The following CEP192 variants were observed in gnomAD, a reference collection of about 807,000 sequenced individuals.
The protein encoded by CEP192 is centrosomal protein of 192 kDa.
In CEP192, 151 loss-of-function variants were observed where a neutral mutation model predicts 271.8. The ratio of observed to expected loss-of-function variants is 0.56; its 90% confidence interval spans 0.49 to 0.64. The LOEUF is 0.64. Ranked by LOEUF, CEP192 falls within the 30% of genes least tolerant of loss-of-function variation. The pLI is 0.00. For missense variants in CEP192, 2,910 were observed against 3,020.5 expected (o/e 0.96, Z 0.86); for synonymous variants, 995 against 1,076.5 (o/e 0.92, Z 1.48).
chr18:13,084,539 C>T (rs977481403), intron 30 of CEP192, among the ~76,000 whole-genome samples: 1 of 152,162 alleles, frequency 6.6e-6, no homozygotes, highest in Non-Finnish European at 1.5e-5. Flanking sequence ...CACAGCTTCC[C>T]TTGGCTAGGA....
chr18:13,075,392 C>T (rs1054223891), intron 30 of CEP192, among the ~76,000 whole-genome samples: 1 of 152,060 alleles, frequency 6.6e-6, no homozygotes, highest in Non-Finnish European at 1.5e-5. Flanking sequence ...ATGGTGAAAC[C>T]CCATCTCTAC....
chr18:13,009,970 G>A (rs943708958), intron 4 of CEP192, among the ~76,000 whole-genome samples: 2 of 152,032 alleles, frequency 1.3e-5, no homozygotes, highest in African/African-American at 4.8e-5. Flanking sequence ...ATCAGCCTGG[G>A]CAACAAGGTG....
At chr18:13,083,448 A>G (rs1178554695) in intron 30 of CEP192, among the ~76,000 whole-genome samples, 3 of 152,162 alleles carry the variant, frequency 2.0e-5, no homozygotes, top group Non-Finnish European at 4.4e-5. Context: ...TTCTTGTGCC[A>G]TGTTTTTCAG....
At chr18:13,019,607 C>A (rs1390834109) in intron 9 of CEP192, among the ~76,000 whole-genome samples, 2 of 152,008 alleles carry the variant, frequency 1.3e-5, no homozygotes, top group Non-Finnish European at 2.9e-5. Flanking sequence ...ATTCATTATG[C>A]CCTTTTTAAA....
chr18:12,995,116 C>G (rs969587478), intron 1 of CEP192, among the ~76,000 whole-genome samples: 4 of 133,924 alleles, frequency 3.0e-5, no homozygotes, highest in African/African-American at 1.2e-4. Flanking sequence ...GGCTGGAGTA[C>G]AGTGGCGCGA....
chr18:13,055,987 G>C lies in CEP192; in HGVS notation c.3397G>C (p.Asp1133His). The change falls in exon 19 of 45, where the codon GAC becomes CAC. Residue 1133 changes from aspartate to histidine, a missense_variant. Transcript: ENST00000506447. ...TAGCAAGCCTGAATATGTAAAACCT[G>C]ACTTTAGATGGAGTAAAGATCCTTC... ...LSSKPEYVKP[D>H]FRWSKDPSSK... The C allele has an allele frequency of 6.2e-7, 1 of 1,614,174 alleles. No homozygotes were observed. The highest frequency in any genetic ancestry group is 8.5e-7 in the Non-Finnish European group (1 of 1,180,028).
intron 15 of CEP192, among the ~76,000 whole-genome samples, chr18:13,045,114 T>C (rs2036404996): frequency 6.6e-6 from 1 of 152,174 alleles, no homozygotes; most frequent in African/African-American, 2.4e-5. Context: ...GTTCATTCTA[T>C]AATTGACTGT....
At chr18:13,111,570 G>C (rs1213586489) in intron 40 of CEP192, among the ~76,000 whole-genome samples, 1 of 152,140 alleles carries the variant, frequency 6.6e-6, no homozygotes, top group Non-Finnish European at 1.5e-5. Context: ...ATGACCTTAG[G>C]TTAAGCATTG....
intron 9 of CEP192, among the ~76,000 whole-genome samples, chr18:13,025,304 A>G (rs1409196237): frequency 6.6e-6 from 1 of 151,692 alleles, no homozygotes; most frequent in Non-Finnish European, 1.5e-5. Context: ...ACAGCCTCGA[A>G]CTGCTAAGCT....
rs2033565195 is a variant in CEP192 at position 13,000,353 on chromosome 18, A to T, written c.164+765A>T. The stretch of plus-strand genomic sequence containing the variant: ...TTCTCAAAAGACATCTATGAATTAC[A>T]TTTCTAGCTACACAAGGAGACTACT... On this transcript the variant is annotated intron_variant, in intron 2 of 44. Transcript: ENST00000506447. 4 of 151,978 alleles carry T rather than the reference A, an allele frequency of 2.6e-5. No individual in the cohort carries two copies. The South Asian group carries it at 8.3e-4, about 32-fold the overall frequency. The allele number at this position is 151,978 out of a possible 1,614,324, so 9.4% of individuals were successfully genotyped here. A position where few individuals can be genotyped will look rare whatever the true frequency, so the allele number is the denominator to read the frequency against.
intron 15 of CEP192, among the ~76,000 whole-genome samples, chr18:13,045,053 A>G (rs868139023): frequency 1.3e-5 from 2 of 152,168 alleles, no homozygotes. Context: ...CATGCTGACC[A>G]TAATATCCTC....
intron 21 of CEP192, among the ~76,000 whole-genome samples, chr18:13,060,653 T>C (rs938605267): frequency 9.9e-5 from 15 of 152,224 alleles, no homozygotes; most frequent in Non-Finnish European, 1.5e-4. Flanking sequence ...ACCTGGGCAC[T>C]GGCACACACC....
intron 1 of CEP192, among the ~76,000 whole-genome samples, chr18:12,997,882 G>A (rs893038218): frequency 1.6e-4 from 25 of 151,948 alleles, no homozygotes; most frequent in African/African-American, 5.8e-4. Context: ...CCGCCATGAC[G>A]CCCAGCTAGT....
At chr18:13,011,706 G>A (rs969200213) in intron 4 of CEP192, among the ~76,000 whole-genome samples, 1 of 151,906 alleles carries the variant, frequency 6.6e-6, no homozygotes, top group South Asian at 2.1e-4. Flanking sequence ...TAGTAGAGAC[G>A]GGCTACTAAA....
chr18:13,054,835 T>C (rs183944269), intron 18 of CEP192, among the ~76,000 whole-genome samples: 56 of 152,378 alleles, frequency 3.7e-4, no homozygotes, highest in Middle Eastern at 3.4e-3. Flanking sequence ...AAATTTCAGC[T>C]GGTCCATCCT....
At position 13,116,515 on chromosome 18, in the gene CEP192, A is replaced by T; in HGVS notation, c.7416+12A>T. The T allele has an allele frequency of 1.3e-6, 2 of 1,589,550 alleles. No homozygotes were observed. The highest frequency in any genetic ancestry group is 1.7e-6 in the Non-Finnish European group (2 of 1,169,898). ...TTATTACACACTCAGTAAGTTGGAA[A>T]TATTACTATGGGTTTTGGAAAAATA... On this transcript the variant is annotated intron_variant, in intron 43 of 44. Transcript: ENST00000506447.
intron 44 of CEP192, among the ~76,000 whole-genome samples, chr18:13,120,195 G>T (rs1474027071): frequency 6.6e-6 from 1 of 152,200 alleles, no homozygotes; most frequent in Non-Finnish European, 1.5e-5. Context: ...GTCTATTTCT[G>T]ATATGGAGTG....
chr18:13,103,910 G>C (rs760067078), intron 39 of CEP192: 7 of 463,414 alleles, frequency 1.5e-5, no homozygotes, highest in South Asian at 1.1e-4. Flanking sequence ...GGCTGGTCTC[G>C]ATCTCCTGAC....
In CEP192 at chr18:13,056,075, T is replaced by G; in HGVS notation, c.3485T>G (p.Leu1162Trp). 1 of 1,614,052 alleles carries G rather than the reference T, an allele frequency of 6.2e-7. No individual in the cohort carries two copies. The highest frequency in any genetic ancestry group is 1.3e-5 in the African/African-American group (1 of 75,042). The change falls in exon 19 of 45, where the codon TTG becomes TGG. Residue 1162 changes from leucine (L) to tryptophan (W), a missense_variant. Physicochemically the swap from Leu to Trp is moderately conservative, Grantham distance 61. Transcript: ENST00000506447. ...EVGWTSNPEELDPIRLALLGK... is the reference protein window; with the variant it reads ...EVGWTSNPEEWDPIRLALLGK... ...GGTTGGACATCAAACCCTGAGGAAT[T>G]GGACCCGATCAGGCTGGCTCTCCTG...
Sources: gnomAD v4.1 joint callset for allele counts (sites outside exome capture counted in the v4.1 genomes callset) on GRCh38, gnomAD v4.1.1 for gene constraint, MANE v1.5 for transcripts, NCBI Gene and HGNC (gene_info 2026-07-23, HGNC 2026-07-21) for gene names.